Variants in MARCHF6 observed in about 807,000 individuals in gnomAD.
MARCHF6 encodes the protein membrane associated ring-CH-type finger 6.
In MARCHF6, 31 loss-of-function variants were observed where a neutral mutation model predicts 133.7. That is an observed-to-expected ratio of 0.23 (90% CI 0.17 to 0.31). The LOEUF (loss-of-function observed/expected upper bound fraction) is 0.31. Among genes scored for constraint, MARCHF6 ranks in the 10% least tolerant of loss-of-function variants. The pLI, the probability that MARCHF6 is intolerant of heterozygous loss-of-function variation, is 1.00. For missense variants in MARCHF6, 723 were observed against 1,121.6 expected (o/e 0.64, Z 5.08); for synonymous variants, 395 against 402.5 (o/e 0.98, Z 0.22).
In MARCHF6 at chr5:10,433,629, G is replaced by A. The variant is rs750033619; in HGVS notation, c.2678G>A (p.Arg893Gln). Reference sequence around the variant, plus strand: ...GGTCAACGACTCGTGAACTACGAACGGAAATCTGGCAAACAAGGCTCATCT... The same window carrying A: ...GGTCAACGACTCGTGAACTACGAACAGAAATCTGGCAAACAAGGCTCATCT... ...LVGQRLVNYERKSGKQGSSPP... is the reference protein window; with the variant it reads ...LVGQRLVNYEQKSGKQGSSPP... The change falls in exon 26 of 26, where the codon CGG (arginine) becomes CAG (glutamine). Residue 893 changes from arginine (R) to glutamine (Q), a missense_variant. Coordinates refer to ENST00000274140, the MANE Select transcript of MARCHF6 (RefSeq NM_005885.4). 3.7e-6 allele frequency: 6 copies of A among 1,614,034 alleles called. No homozygotes were observed. Among genetic ancestry groups the A allele is most frequent in the East Asian group, 4.5e-5 (2 of 44,888 alleles).
intron 22 of MARCHF6, among the ~76,000 whole-genome samples, chr5:10,418,705 C>T (rs1345622963): frequency 2.0e-5 from 3 of 152,108 alleles, no homozygotes; most frequent in African/African-American, 4.8e-5. Flanking sequence ...TTCATTTACC[C>T]GAAAATTTTT....
intron 16 of MARCHF6, 63 bp downstream of exon 16, chr5:10,405,740 T>C: frequency 6.7e-7 from 1 of 1,484,314 alleles, no homozygotes; most frequent in Non-Finnish European, 9.0e-7. Context: ...TAGTTTTGTT[T>C]AGGTTTTTTT....
In MARCHF6 at chr5:10,419,048, G is replaced by A. The variant is rs189727780; in HGVS notation, c.2283+1644G>A. Among the ~76,000 whole-genome samples, 7 of 152,316 alleles carry A rather than the reference G, an allele frequency of 4.6e-5. No homozygotes were observed. In the East Asian group the frequency reaches 1.2e-3, roughly 25 times the overall value. On this transcript the variant is annotated intron_variant, in intron 22 of 25. Coordinates refer to ENST00000274140, the MANE Select transcript of MARCHF6 (RefSeq NM_005885.4). The stretch of plus-strand genomic sequence containing the variant: ...GCAGACCTGGCTTGAGACAAGGCAT[G>A]CATATGTGGGGAACTGCCTCCTTTC...
chr5:10,411,580 G>T lies in MARCHF6; in HGVS notation c.1896+43G>T, dbSNP rs201602542. On this transcript the variant is annotated intron_variant, in intron 19 of 25. Transcript: ENST00000274140. ...TTAATCACATATAGAGGTTTTTTTGGTTTTTTTGTTCTCCAAATTGCTGTT... is the reference window on the plus strand; with the variant it reads ...TTAATCACATATAGAGGTTTTTTTGTTTTTTTTGTTCTCCAAATTGCTGTT... 3.1e-4 allele frequency: 472 copies of T among 1,522,638 alleles called. 2 individuals are homozygous for T. The African/African-American group carries it at 4.1e-3, about 13-fold the overall frequency. The allele number at this position is 1,522,638 out of a possible 1,614,324, so 94.3% of individuals were successfully genotyped here.
intron 18 of MARCHF6, among the ~76,000 whole-genome samples, chr5:10,410,614 A>G: frequency 6.6e-6 from 1 of 152,036 alleles, no homozygotes; most frequent in East Asian, 1.9e-4. Flanking sequence ...TTTAGTGCTC[A>G]TAACCTGGGA....
At chr5:10,431,422 C>T (rs368561178) in intron 25 of MARCHF6, among the ~76,000 whole-genome samples, 1 of 152,166 alleles carries the variant, frequency 6.6e-6, no homozygotes, top group Non-Finnish European at 1.5e-5. Flanking sequence ...GGGGTCTAGA[C>T]GTTCCCATTG....
chr5:10,374,089 CAG>C (rs962965443), intron 1 of MARCHF6, among the ~76,000 whole-genome samples: 2 of 151,666 alleles, frequency 1.3e-5, no homozygotes, highest in African/African-American at 4.9e-5. Flanking sequence ...TTTGATTCTG[CAG>C]AGAGAGAGCC....
At position 10,367,694 on chromosome 5, in the gene MARCHF6, TTC is replaced by T. The variant is rs755768698; in HGVS notation, c.20-10102_20-10101del. Among the ~76,000 whole-genome samples the T allele has an allele frequency of 4.0e-4, 61 of 152,276 alleles. 1 individual carries two copies. In the Middle Eastern group the frequency reaches 0.014, roughly 34 times the overall value. On this transcript the variant is annotated intron_variant, in intron 1 of 25. Coordinates refer to ENST00000274140, the MANE Select transcript of MARCHF6 (RefSeq NM_005885.4). Reference sequence around the variant, plus strand: ...GCTGACTTCCACAGTGGTGGTGGTTTTCTTTCTTTCTTTCCCATCTCCTGGGC... The same window carrying T: ...GCTGACTTCCACAGTGGTGGTGGTTTTTTCTTTCTTTCCCATCTCCTGGGC...
At chr5:10,359,446 A>G (rs530384534) in intron 1 of MARCHF6, among the ~76,000 whole-genome samples, 6 of 152,318 alleles carry the variant, frequency 3.9e-5, no homozygotes, top group African/African-American at 1.4e-4. Context: ...TAATATTACA[A>G]TACATATTGT....
chr5:10,396,862 G>C (rs1432887933), intron 9 of MARCHF6, among the ~76,000 whole-genome samples: 1 of 152,148 alleles, frequency 6.6e-6, no homozygotes, highest in Non-Finnish European at 1.5e-5. Flanking sequence ...TGACCTTGTA[G>C]GTGTCAAGAA....
At chr5:10,416,834 T>C (rs1739540842) in intron 21 of MARCHF6, among the ~76,000 whole-genome samples, 1 of 152,228 alleles carries the variant, frequency 6.6e-6, no homozygotes, top group African/African-American at 2.4e-5. Context: ...ATACAGGGTA[T>C]TTCTATCAGT....
In MARCHF6 at chr5:10,433,633, A is replaced by G. The variant is rs570038262; in HGVS notation, c.2682A>G (p.Lys894=). ...AACGACTCGTGAACTACGAACGGAAATCTGGCAAACAAGGCTCATCTCCAC... is the reference window on the plus strand; with the variant it reads ...AACGACTCGTGAACTACGAACGGAAGTCTGGCAAACAAGGCTCATCTCCAC... ...VGQRLVNYER[K]SGKQGSSPPP... Residue 894 remains lysine (K), a synonymous_variant, in exon 26 of 26, where the codon AAA becomes AAG. Transcript: ENST00000274140. 1.2e-6 allele frequency: 2 copies of G among 1,614,256 alleles called. No homozygotes were observed. The highest frequency in any genetic ancestry group is 2.2e-5 in the East Asian group (1 of 44,888).
At position 10,415,569 on chromosome 5, in the gene MARCHF6, A is replaced by C; in HGVS notation, c.2048A>C (p.Tyr683Ser). 1 of 1,614,068 alleles carries C rather than the reference A, an allele frequency of 6.2e-7. No homozygotes were observed. The highest frequency in any genetic ancestry group is 8.5e-7 in the Non-Finnish European group (1 of 1,180,014). Residue 683 changes from tyrosine to serine, a missense_variant, in exon 21 of 26, where the codon TAT becomes TCT. Tyr to Ser is a moderately radical substitution (Grantham distance 144). Coordinates refer to ENST00000274140, the MANE Select transcript of MARCHF6 (RefSeq NM_005885.4). ...HELYTAACGLYVCWLTIRAVT... is the reference protein window; with the variant it reads ...HELYTAACGLSVCWLTIRAVT... The stretch of plus-strand genomic sequence containing the variant: ...CTCTACACAGCTGCTTGTGGTCTCT[A>C]TGTTTGCTGGCTAACCATAAGGGCT...
At chr5:10,395,933 C>A (rs542032026) in intron 9 of MARCHF6, among the ~76,000 whole-genome samples, 1 of 152,254 alleles carries the variant, frequency 6.6e-6, no homozygotes, top group Admixed American at 6.5e-5. Flanking sequence ...ATGGTTTGAT[C>A]ACAGTCAGTA....
chr5:10,427,739 C>T (rs546456134), intron 24 of MARCHF6, among the ~76,000 whole-genome samples: 1 of 152,186 alleles, frequency 6.6e-6, no homozygotes, highest in African/African-American at 2.4e-5. Context: ...TGTGTGTGCC[C>T]TTCTTTACCT....
chr5:10,435,684 TA>T lies in MARCHF6; in HGVS notation c.*2001del, dbSNP rs1740617062. 5.5e-5 allele frequency: 1 copy of T among 18,294 alleles called. No homozygotes were observed. The highest frequency in any genetic ancestry group is 2.8e-4 in the African/African-American group (1 of 3,570). 1.1% of individuals were successfully genotyped at this position (18,294 alleles called of 1,614,324 possible). On this transcript the variant is annotated 3_prime_UTR_variant, in exon 26 of 26. Transcript: ENST00000274140. ...ATATATATATATATATATATATATATATATATATATATATTTTTTTTTTTTT... is the reference window on the plus strand; with the variant it reads ...ATATATATATATATATATATATATATTATATATATATATTTTTTTTTTTTT...
Position 10,411,449 on chromosome 5 carries a change from G to A in MARCHF6, c.1808G>A (p.Gly603Asp). 1.2e-6 allele frequency: 2 copies of A among 1,614,206 alleles called. No homozygotes were observed. Among genetic ancestry groups the A allele is most frequent in the African/African-American group, 1.3e-5 (1 of 75,060 alleles). The part of the protein sequence containing the change: ...NNNAIPVVGE[G>D]LHAAHQAILQ... ...AACGCTATTCCTGTGGTGGGAGAAGGCCTTCATGCAGCCCACCAAGCCATA... is the reference window on the plus strand; with the variant it reads ...AACGCTATTCCTGTGGTGGGAGAAGACCTTCATGCAGCCCACCAAGCCATA... Residue 603 changes from glycine to aspartate, a missense_variant, in exon 19 of 26, where the codon GGC becomes GAC. By Grantham distance (94) the Gly-to-Asp change is moderately conservative (BLOSUM62 -1). This residue lies in a region of MARCHF6 where 492 missense variants were observed against 699.5 expected (regional missense o/e 0.70). Transcript: ENST00000274140.
At chr5:10,365,436 GATTAC>G (rs1736087939) in intron 1 of MARCHF6, among the ~76,000 whole-genome samples, 1 of 152,078 alleles carries the variant, frequency 6.6e-6, no homozygotes. Context: ...GAGTAGCTGG[GATTAC>G]AGGCATATGC....
chr5:10,414,609 C>A, intron 20 of MARCHF6, 107 bp downstream of exon 20: 1 of 836,580 alleles, frequency 1.2e-6, no homozygotes, highest in South Asian at 1.7e-5. Flanking sequence ...GTAGTATGAT[C>A]ATAGCTTACT....
Sources: gnomAD v4.1 joint callset for allele counts (sites outside exome capture counted in the v4.1 genomes callset) on GRCh38, gnomAD v4.1.1 for gene constraint, gnomAD v4.1.1 regional missense constraint, MANE v1.5 for transcripts, NCBI Gene and HGNC (gene_info 2026-07-23, HGNC 2026-07-21) for gene names.